HHIPL1: variants seen among roughly 807,000 people sequenced by gnomAD.
The protein encoded by HHIPL1 is HHIP-like protein 1.
Under a neutral mutation model 61.8 loss-of-function variants are expected in HHIPL1, and 43 were observed. The observed-to-expected ratio is 0.70, with a 90% CI of 0.55 to 0.90. The LOEUF is 0.90. Among genes scored for constraint, HHIPL1 ranks in the 40% least tolerant of loss-of-function variants. HHIPL1 has a pLI of 0.00. For synonymous variants in HHIPL1, 482 were observed against 515.8 expected, an observed-to-expected ratio of 0.93 and a Z score of 0.89; for missense variants, 1,056 against 1,157.7, an observed-to-expected ratio of 0.91 and a Z score of 1.28.
chr14:99,612,481 T>C, the HHIPL1 span, among the ~76,000 whole-genome samples: 4 of 152,212 alleles, frequency 2.6e-5, no homozygotes, highest in Admixed American at 2.6e-4. Flanking sequence ...TGGGATTTAA[T>C]TGAAGTGTTT....
the HHIPL1 span, among the ~76,000 whole-genome samples, chr14:99,626,267 G>GTGTGTGTGTGTGTGTGTGT: frequency 4.3e-4 from 64 of 147,574 alleles, no homozygotes; most frequent in African/African-American, 1.3e-3. Context: ...GGTGTAGCGG[G>GTGTGTGTGTGTGTGTGTGT]GTGTGTGTGT....
rs1377483778 is a variant in HHIPL1 at position 99,675,162 on chromosome 14, C to T, written c.1885C>T (p.Arg629Cys). The change falls in exon 9 of 9, where the codon CGC becomes TGC. Residue 629 changes from arginine (R) to cysteine (C), a missense_variant. By Grantham distance (180) the Arg-to-Cys change is radical. Coordinates refer to ENST00000330710, the MANE Select transcript of HHIPL1 (RefSeq NM_001127258.3). The surrounding 1 kb of genome is among the most constrained non-coding windows in gnomAD (Gnocchi z 5.4). ...GCCCACGCGGGCGCCCCGCCGAGGG[C>T]GCCCCACGGCCGCTCCCCCCGCGCC... ...RAPTRAPRRGRPTAAPPAPTP... is the reference protein window; with the variant it reads ...RAPTRAPRRGCPTAAPPAPTP... 43 of 1,103,278 alleles carry T rather than the reference C, an allele frequency of 3.9e-5. No individual in the cohort carries two copies. The highest frequency in any genetic ancestry group is 4.4e-5 in the Non-Finnish European group (40 of 899,130). 68.3% of individuals were successfully genotyped at this position (1,103,278 alleles called of 1,614,324 possible).
At chr14:99,653,217 T>C (rs368740767) in intron 2 of HHIPL1, among the ~76,000 whole-genome samples, 110 of 152,274 alleles carry the variant, frequency 7.2e-4, no homozygotes, top group African/African-American at 2.6e-3. Flanking sequence ...CTTAGAAAGG[T>C]GAAGTGTTGG....
At chr14:99,632,337 G>A in the HHIPL1 span, among the ~76,000 whole-genome samples, 1 of 152,192 alleles carries the variant, frequency 6.6e-6, no homozygotes, top group Non-Finnish European at 1.5e-5. Flanking sequence ...TGAGGACAGG[G>A]AGCTCACTCC....
chr14:99,666,357 G>A (rs1267867669), intron 6 of HHIPL1, among the ~76,000 whole-genome samples: 1 of 152,180 alleles, frequency 6.6e-6, no homozygotes, highest in Non-Finnish European at 1.5e-5. Flanking sequence ...AGCAGCCCTG[G>A]GCGGGCTTGG....
At chr14:99,618,935 C>T in the HHIPL1 span, among the ~76,000 whole-genome samples, 1 of 152,210 alleles carries the variant, frequency 6.6e-6, no homozygotes, top group Non-Finnish European at 1.5e-5. Flanking sequence ...TGGAGAAGCC[C>T]TGCAGAAACA....
In HHIPL1 at chr14:99,666,843, G is replaced by A. The variant is rs114940625; in HGVS notation, c.1649-1379G>A. ...GGGACTGGTGCCCCTGGGTTGGGGGGTCAGGGGCCATTGACCACTCAGCGT... is the reference window on the plus strand; with the variant it reads ...GGGACTGGTGCCCCTGGGTTGGGGGATCAGGGGCCATTGACCACTCAGCGT... On this transcript the variant is annotated intron_variant, in intron 6 of 8. Coordinates refer to ENST00000330710, the MANE Select transcript of HHIPL1 (RefSeq NM_001127258.3). Among the ~76,000 whole-genome samples, 1,048 of 152,246 alleles carry A rather than the reference G, an allele frequency of 6.9e-3. 8 individuals carry two copies. Among genetic ancestry groups the A allele is most frequent in the African/African-American group, 0.024 (980 of 41,538 alleles).
At chr14:99,674,034 A>C (rs1262774075) in intron 8 of HHIPL1, among the ~76,000 whole-genome samples, 1 of 151,742 alleles carries the variant, frequency 6.6e-6, no homozygotes, top group East Asian at 1.9e-4. Context: ...GGTGGGGGCC[A>C]GGGGCCAGGG....
chr14:99,639,644 G>A, the HHIPL1 span, among the ~76,000 whole-genome samples: 1 of 151,994 alleles, frequency 6.6e-6, no homozygotes, highest in East Asian at 1.9e-4. Context: ...ACCATACCAG[G>A]TAGGCCTTGT....
At chr14:99,649,226 G>A (rs1566805949) in intron 1 of HHIPL1, among the ~76,000 whole-genome samples, 1 of 152,222 alleles carries the variant, frequency 6.6e-6, no homozygotes, top group East Asian at 1.9e-4. Flanking sequence ...GGCTCCCTGA[G>A]GGAACTTTTG....
At chr14:99,619,915 G>A in the HHIPL1 span, among the ~76,000 whole-genome samples, 1 of 152,178 alleles carries the variant, frequency 6.6e-6, no homozygotes, top group Non-Finnish European at 1.5e-5. Context: ...AGTGGAAGGA[G>A]GGATATTTTC....
Position 99,668,253 on chromosome 14 carries a change from G to A in HHIPL1, c.1680G>A (p.Pro560=), listed in dbSNP as rs141248401. ...TGTACTTCATGTCGACAGGGGAGCC[G>A]AGTGCCACAGCTCCACGCGGAGTTG... The part of the protein sequence containing the change: ...GELYFMSTGE[P]SATAPRGVVY... Residue 560 remains proline (P), a synonymous_variant, in exon 7 of 9, where the codon CCG becomes CCA. Transcript: ENST00000330710. The surrounding 1 kb of genome is among the most constrained non-coding windows in gnomAD (Gnocchi z 4.7). 1.1e-5 allele frequency: 18 copies of A among 1,612,642 alleles called. No homozygotes were observed. Among genetic ancestry groups the A allele is most frequent in the Admixed American group, 1.0e-4 (6 of 60,006 alleles).
chr14:99,632,476 C>T, the HHIPL1 span, among the ~76,000 whole-genome samples: 1 of 151,546 alleles, frequency 6.6e-6, no homozygotes, highest in Non-Finnish European at 1.5e-5. Context: ...ATCCAGTCCT[C>T]ATCCCATCCC....
chr14:99,668,193 T>C lies in HHIPL1; in HGVS notation c.1649-29T>C, dbSNP rs763314516. On this transcript the variant is annotated intron_variant, in intron 6 of 8. Transcript: ENST00000330710. This position sits in a 1 kb window ranked among gnomAD's most constrained non-coding sequence, Gnocchi z 4.7. Reference sequence around the variant, plus strand: ...GCTGGGACGGTATTCCAGGTGGGGGTCTCACTAGTCACTTTGTTCTGTCCA... The same window carrying C: ...GCTGGGACGGTATTCCAGGTGGGGGCCTCACTAGTCACTTTGTTCTGTCCA... 5.7e-6 allele frequency: 8 copies of C among 1,403,242 alleles called. No individual in the cohort carries two copies. Among genetic ancestry groups the C allele is most frequent in the Non-Finnish European group, 8.1e-6 (8 of 989,744 alleles). The allele number at this position is 1,403,242 out of a possible 1,614,324, so 86.9% of individuals were successfully genotyped here.
Position 99,675,692 on chromosome 14 carries a change from T to A in HHIPL1, c.*66T>A. 7.1e-7 allele frequency: 1 copy of A among 1,414,658 alleles called. No homozygotes were observed. The highest frequency in any genetic ancestry group is 9.3e-7 in the Non-Finnish European group (1 of 1,075,680). The allele number at this position is 1,414,658 out of a possible 1,614,324, so 87.6% of individuals were successfully genotyped here. On this transcript the variant is annotated 3_prime_UTR_variant, in exon 9 of 9. Coordinates refer to ENST00000330710, the MANE Select transcript of HHIPL1 (RefSeq NM_001127258.3). The surrounding 1 kb of genome is among the most constrained non-coding windows in gnomAD (Gnocchi z 5.4). ...GCCTGGCAGGGGCCGCTCCGCCCTGTGTGCGCCCAGCGGGTGCACACGTGT... is the reference window on the plus strand; with the variant it reads ...GCCTGGCAGGGGCCGCTCCGCCCTGAGTGCGCCCAGCGGGTGCACACGTGT...
In HHIPL1 at chr14:99,675,637, G is replaced by T. The variant is rs965049919; in HGVS notation, c.*11G>T. On this transcript the variant is annotated 3_prime_UTR_variant, in exon 9 of 9. Transcript: ENST00000330710. The surrounding 1 kb of genome is among the most constrained non-coding windows in gnomAD (Gnocchi z 5.4). ...AACCCCGACCTGTAGGCAACACGCC[G>T]CTGCCCCAGGCCATCCCGCCGGCGG... is the stretch of plus-strand genomic sequence containing the variant. 2.0e-6 allele frequency: 3 copies of T among 1,496,094 alleles called. No individual in the cohort carries two copies. The highest frequency in any genetic ancestry group is 2.1e-5 in the Admixed American group (1 of 47,956). 92.7% of individuals were successfully genotyped at this position (1,496,094 alleles called of 1,614,324 possible).
chr14:99,645,637 C>T (rs1347327420), intron 1 of HHIPL1, among the ~76,000 whole-genome samples, 175 bp downstream of exon 1: 1 of 152,242 alleles, frequency 6.6e-6, no homozygotes, highest in African/African-American at 2.4e-5. Context: ...CAGGACGACT[C>T]TTGGCTTTGC....
chr14:99,641,704 G>A (rs1013404937), upstream of HHIPL1, among the ~76,000 whole-genome samples: 8 of 151,594 alleles, frequency 5.3e-5, no homozygotes, highest in African/African-American at 9.7e-5. Context: ...GTGAGCCACC[G>A]TGCCCGGCCT....
chr14:99,637,255 AG>A, the HHIPL1 span, among the ~76,000 whole-genome samples: 1 of 146,360 alleles, frequency 6.8e-6, no homozygotes, highest in South Asian at 2.2e-4. Context: ...AAAGAAAGAA[AG>A]AAAGAAAGAA....
Sources: gnomAD v4.1 joint callset for allele counts (sites outside exome capture counted in the v4.1 genomes callset) on GRCh38, gnomAD v4.1.1 for gene constraint, Gnocchi (gnomAD v3.1) non-coding constraint, MANE v1.5 for transcripts, NCBI Gene and HGNC (gene_info 2026-07-23, HGNC 2026-07-21) for gene names.